The following HIF1A variants were observed in gnomAD, a reference collection of about 807,000 sequenced individuals.
HIF1A encodes the protein hypoxia-inducible factor 1-alpha.
Under a neutral mutation model 92.7 loss-of-function variants are expected in HIF1A, and 24 were observed. That is an observed-to-expected ratio of 0.26 (90% CI 0.19 to 0.36). The LOEUF (loss-of-function observed/expected upper bound fraction) is 0.36. Among genes scored for constraint, HIF1A ranks in the 10% least tolerant of loss-of-function variants. The probability of loss-of-function intolerance (pLI) is 1.00; values close to 1 mark genes in which losing one functional copy is unlikely to be tolerated. For synonymous variants in HIF1A, 319 were observed against 338.7 expected, an observed-to-expected ratio of 0.94 and a Z score of 0.64; for missense variants, 799 against 998.5, an observed-to-expected ratio of 0.80 and a Z score of 2.69.
In HIF1A at chr14:61,747,030, G is replaced by T. The variant is rs754986249; in HGVS notation, c.2426G>T (p.Ser809Ile). 1 of 1,613,664 alleles carries T rather than the reference G, an allele frequency of 6.2e-7. No homozygotes were observed. Among genetic ancestry groups the T allele is most frequent in the Non-Finnish European group, 8.5e-7 (1 of 1,179,804 alleles). ...GAAGTTAATGCTCCTATACAAGGCAGCAGAAACCTACTGCAGGGTGAAGAA... is the reference window on the plus strand; with the variant it reads ...GAAGTTAATGCTCCTATACAAGGCATCAGAAACCTACTGCAGGGTGAAGAA... ...DCEVNAPIQG[S>I]RNLLQGEELL... The change falls in exon 15 of 15, where the codon AGC becomes ATC. Residue 809 changes from serine to isoleucine, a missense_variant. Physicochemically the swap from Ser to Ile is moderately radical, Grantham distance 142. Around this residue, in one of 2 missense-constraint regions of HIF1A, gnomAD observed 283 missense variants for 277.5 expected, o/e 1.02. Coordinates refer to ENST00000337138, the MANE Select transcript of HIF1A (RefSeq NM_001530.4).
At position 61,741,172 on chromosome 14, in the gene HIF1A, G is replaced by A. The variant is rs182139975; in HGVS notation, c.2077G>A (p.Val693Ile). The change falls in exon 12 of 15, where the codon GTC becomes ATC. Residue 693 changes from valine (V) to isoleucine (I), a missense_variant. Val to Ile is a conservative substitution (Grantham distance 29). Coordinates refer to ENST00000337138, the MANE Select transcript of HIF1A (RefSeq NM_001530.4). The part of the protein sequence containing the change: ...SHPRSPNVLS[V>I]ALSQRTTVPE... ...TCCAAGAAGCCCTAACGTGTTATCTGTCGCTTTGAGTCAAAGGTATTTATA... is the reference window on the plus strand; with the variant it reads ...TCCAAGAAGCCCTAACGTGTTATCTATCGCTTTGAGTCAAAGGTATTTATA... The A allele has an allele frequency of 6.3e-7, 1 of 1,595,748 alleles. No individual in the cohort carries two copies. Among genetic ancestry groups the A allele is most frequent in the East Asian group, 2.2e-5 (1 of 44,780 alleles).
intron 14 of HIF1A, among the ~76,000 whole-genome samples, chr14:61,746,077 A>T (rs1566580060): frequency 6.6e-6 from 1 of 151,952 alleles, no homozygotes; most frequent in Non-Finnish European, 1.5e-5. Flanking sequence ...TACAAAAATT[A>T]GCTGGGCGTG....
chr14:61,706,806 C>G (rs1460903433), intron 1 of HIF1A, among the ~76,000 whole-genome samples: 4 of 152,174 alleles, frequency 2.6e-5, no homozygotes, highest in Non-Finnish European at 5.9e-5. Context: ...TAAGAGTGCT[C>G]ATCAGGATTA....
intron 1 of HIF1A, among the ~76,000 whole-genome samples, chr14:61,705,653 A>G: frequency 6.6e-6 from 1 of 152,216 alleles, no homozygotes; most frequent in Non-Finnish European, 1.5e-5. Flanking sequence ...ATGGGGCTTC[A>G]TATTAAAATG....
chr14:61,720,511 T>C lies in HIF1A; in HGVS notation c.165T>C (p.Asp55=), dbSNP rs776084615. Residue 55 remains aspartate, a synonymous_variant, in exon 2 of 15, where the codon GAT becomes GAC. Transcript: ENST00000337138. ...PLPHNVSSHL[D]KASVMRLTIS... ...CACATAATGTGAGTTCGCATCTTGA[T>C]AAGGCCTCTGTGATGAGGCTTACCA... 1 of 1,613,574 alleles carries C rather than the reference T, an allele frequency of 6.2e-7. No homozygotes were observed. The highest frequency in any genetic ancestry group is 8.5e-7 in the Non-Finnish European group (1 of 1,179,752).
chr14:61,727,769 T>A, intron 6 of HIF1A, 114 bp downstream of exon 6: 1 of 787,352 alleles, frequency 1.3e-6, no homozygotes, highest in East Asian at 2.6e-5. Context: ...ACACCTGTAA[T>A]CCCAGCACTT....
chr14:61,703,173 AAGT>A (rs1241547158), intron 1 of HIF1A, among the ~76,000 whole-genome samples: 1 of 152,244 alleles, frequency 6.6e-6, no homozygotes, highest in Non-Finnish European at 1.5e-5. Flanking sequence ...AAATTAGAAG[AAGT>A]AGAATTACAG....
chr14:61,734,877 T>C (rs1447141947), intron 8 of HIF1A, among the ~76,000 whole-genome samples: 1 of 152,212 alleles, frequency 6.6e-6, no homozygotes, highest in Non-Finnish European at 1.5e-5. Flanking sequence ...AACCTGCACG[T>C]TGTGCACATG....
chr14:61,720,543 A>C lies in HIF1A; in HGVS notation c.197A>C (p.Tyr66Ser). The C allele has an allele frequency of 1.2e-6, 2 of 1,606,010 alleles. No homozygotes were observed. The highest frequency in any genetic ancestry group is 1.7e-6 in the Non-Finnish European group (2 of 1,176,998). The change falls in exon 2 of 15, where the codon TAT (tyrosine) becomes TCT (serine). Residue 66 changes from tyrosine (Y) to serine (S), a missense_variant. By Grantham distance (144) the Tyr-to-Ser change is moderately radical. This residue lies in a region of HIF1A where 516 missense variants were observed against 721.0 expected (regional missense o/e 0.72). Transcript: ENST00000337138. ...TCTGTGATGAGGCTTACCATCAGCT[A>C]TTTGCGTGTGAGGAAACTTCTGGAT... The part of the protein sequence containing the change: ...KASVMRLTIS[Y>S]LRVRKLLDAG...
intron 6 of HIF1A, 66 bp from the exon 7 acceptor site, chr14:61,732,352 G>T: frequency 1.0e-6 from 1 of 963,792 alleles, no homozygotes; most frequent in South Asian, 1.4e-5. Flanking sequence ...TAACTTGGGA[G>T]GAGAAAAATT....
At chr14:61,746,392 C>CTTTTTTTT (rs754879947) in intron 14 of HIF1A, among the ~76,000 whole-genome samples, 557 of 49,400 alleles carry the variant, frequency 0.011, 20 homozygotes, top group African/African-American at 0.019. Context: ...TTTATGACTT[C>CTTTTTTTT]TTTTTTTTTT....
At chr14:61,730,816 T>C (rs771003943) in intron 6 of HIF1A, among the ~76,000 whole-genome samples, 1 of 152,232 alleles carries the variant, frequency 6.6e-6, no homozygotes, top group Non-Finnish European at 1.5e-5. Flanking sequence ...AAGATTTGAA[T>C]AGTGAAAAAG....
chr14:61,734,163 A>G lies in HIF1A; in HGVS notation c.906A>G (p.Thr302=), dbSNP rs753015056. ...TGTTTACTAAAGGACAAGTCACCACAGGACAGTACAGGATGCTTGCCAAAA... is the reference window on the plus strand; with the variant it reads ...TGTTTACTAAAGGACAAGTCACCACGGGACAGTACAGGATGCTTGCCAAAA... ...HDMFTKGQVT[T]GQYRMLAKRG... Residue 302 remains threonine (T), a synonymous_variant, in exon 8 of 15, where the codon ACA becomes ACG. Transcript: ENST00000337138. 3 of 1,605,680 alleles carry G rather than the reference A, an allele frequency of 1.9e-6. No homozygotes were observed. In the African/African-American group the frequency reaches 4.0e-5, roughly 22 times the overall value.
Position 61,740,628 on chromosome 14 carries a change from G to A in HIF1A, c.1659+1G>A, listed in dbSNP as rs1486812247. Reference sequence around the variant, plus strand: ...AGCAAAGAACCCATTTTCTACTCAGGTATATGAACTTATTTGTTTTATATT... The same window carrying A: ...AGCAAAGAACCCATTTTCTACTCAGATATATGAACTTATTTGTTTTATATT... On this transcript the variant is annotated splice_donor_variant, in intron 11 of 14. Transcript: ENST00000337138. LOFTEE classifies it high-confidence loss of function. The A allele has an allele frequency of 1.9e-6, 3 of 1,584,074 alleles. No individual in the cohort carries two copies. The highest frequency in any genetic ancestry group is 2.0e-5 in the Admixed American group (1 of 50,416).
chr14:61,743,420 T>A (rs2044738208), intron 12 of HIF1A, among the ~76,000 whole-genome samples: 1 of 152,172 alleles, frequency 6.6e-6, no homozygotes, highest in Non-Finnish European at 1.5e-5. Flanking sequence ...CTGAAAACTT[T>A]TATGAAAGGA....
At chr14:61,722,727 G>T (rs546652636) in intron 4 of HIF1A, among the ~76,000 whole-genome samples, 1 of 152,196 alleles carries the variant, frequency 6.6e-6, no homozygotes, top group Admixed American at 6.5e-5. Context: ...ATTCGAGACC[G>T]TGTAGTTAGA....
intron 9 of HIF1A, 114 bp downstream of exon 9, chr14:61,737,223 T>A (rs1443842747): frequency 2.9e-6 from 2 of 686,646 alleles, no homozygotes; most frequent in African/African-American, 1.8e-5. Flanking sequence ...TACAAGCTAA[T>A]ATATGTTTAT....
chr14:61,724,376 T>TCTCTCTCTCTCTCTCTCTCCCTCTCTCC, intron 4 of HIF1A, among the ~76,000 whole-genome samples: 1 of 150,172 alleles, frequency 6.7e-6, no homozygotes, highest in South Asian at 2.1e-4. Flanking sequence ...TCTCTCTCTC[T>TCTCTCTCTCTCTCTCTCTCCCTCTCTCC]CTCTCCCCCT....
chr14:61,715,048 A>C (rs1233911117), intron 1 of HIF1A, among the ~76,000 whole-genome samples: 1 of 152,048 alleles, frequency 6.6e-6, no homozygotes, highest in Non-Finnish European at 1.5e-5. Context: ...AAAAAAAAAA[A>C]CAGTTTCTGT....
Sources: gnomAD v4.1 joint callset for allele counts (sites outside exome capture counted in the v4.1 genomes callset) on GRCh38, gnomAD v4.1.1 for gene constraint, gnomAD v4.1.1 regional missense constraint, MANE v1.5 for transcripts, NCBI Gene and HGNC (gene_info 2026-07-23, HGNC 2026-07-21) for gene names.